IGBP1C: variants seen among roughly 807,000 people sequenced by gnomAD.
The protein encoded by IGBP1C is immunoglobulin-binding protein 1 family member C.
chr17:58,669,220 T>C, the IGBP1C span, among the ~76,000 whole-genome samples: 10 of 151,534 alleles, frequency 6.6e-5, no homozygotes, highest in Admixed American at 2.0e-4. Context: ...GGTATGGTGG[T>C]ACACGCCTCT....
the IGBP1C span, among the ~76,000 whole-genome samples, chr17:58,685,754 G>A: frequency 6.6e-6 from 1 of 151,758 alleles, no homozygotes; most frequent in Admixed American, 6.6e-5. Context: ...CAGTTTGGGA[G>A]GCTGAGGTGG....
chr17:58,668,979 T>C, the IGBP1C span, among the ~76,000 whole-genome samples: 2 of 152,140 alleles, frequency 1.3e-5, no homozygotes, highest in African/African-American at 4.8e-5. Context: ...CTGTTCTAGG[T>C]AGGCATAAAA....
chr17:58,676,741 C>G, the IGBP1C span, among the ~76,000 whole-genome samples: 5 of 152,028 alleles, frequency 3.3e-5, no homozygotes. Flanking sequence ...ATCCCAGCAC[C>G]TTGAGAGGCC....
At chr17:58,673,739 C>CT in the IGBP1C span, among the ~76,000 whole-genome samples, 673 of 151,400 alleles carry the variant, frequency 4.4e-3, 2 homozygotes, top group Middle Eastern at 6.8e-3. Context: ...TTTTTTCAAT[C>CT]TTTTTTTTGT....
the IGBP1C span, among the ~76,000 whole-genome samples, chr17:58,683,235 T>C: frequency 6.6e-6 from 1 of 151,100 alleles, no homozygotes; most frequent in African/African-American, 2.4e-5. Context: ...TAGCTGGGCA[T>C]GGTGGCACGT....
chr17:58,665,114 C>T, the IGBP1C span, among the ~76,000 whole-genome samples: 8 of 152,098 alleles, frequency 5.3e-5, no homozygotes, highest in South Asian at 1.0e-3. Flanking sequence ...GGGCAACATT[C>T]GACATATTCA....
chr17:58,671,331 C>A, the IGBP1C span, among the ~76,000 whole-genome samples: 9 of 152,186 alleles, frequency 5.9e-5, no homozygotes. Context: ...CTAACATATA[C>A]ACATAGCAGT....
chr17:58,671,457 C>T, the IGBP1C span, among the ~76,000 whole-genome samples: 1 of 152,230 alleles, frequency 6.6e-6, no homozygotes, highest in East Asian at 1.9e-4. Flanking sequence ...ACATCTTTCT[C>T]TTGGGGAGGG....
the IGBP1C span, among the ~76,000 whole-genome samples, chr17:58,668,030 A>G: frequency 6.6e-6 from 1 of 152,188 alleles, no homozygotes; most frequent in African/African-American, 2.4e-5. Context: ...AAGTCAATTT[A>G]GCTGAAACCC....
At chr17:58,661,738 C>G in the IGBP1C span, 3 of 565,416 alleles carry the variant, frequency 5.3e-6, no homozygotes, top group African/African-American at 5.7e-5. Flanking sequence ...TTGGGGGCGG[C>G]ATAGGGGAAG....
the IGBP1C span, among the ~76,000 whole-genome samples, chr17:58,669,464 G>A: frequency 6.6e-6 from 1 of 152,018 alleles, no homozygotes; most frequent in Non-Finnish European, 1.5e-5. Flanking sequence ...TGGGCGTGGT[G>A]GCTCACGCCT....
chr17:58,666,970 T>A, the IGBP1C span, among the ~76,000 whole-genome samples: 1 of 152,168 alleles, frequency 6.6e-6, no homozygotes, highest in East Asian at 1.9e-4. Context: ...CGTTCTCATC[T>A]CGGCCCGCTT....
the IGBP1C span, among the ~76,000 whole-genome samples, chr17:58,691,244 G>A: frequency 2.6e-4 from 39 of 152,300 alleles, no homozygotes; most frequent in African/African-American, 8.9e-4. Flanking sequence ...ATGGCCATTT[G>A]AAATGTGTGG....
At chr17:58,671,937 C>T in the IGBP1C span, among the ~76,000 whole-genome samples, 36,399 of 151,978 alleles carry the variant, frequency 0.24, 5,272 homozygotes, top group Middle Eastern at 0.41. Context: ...AGCGTATTTC[C>T]TCTATCTTAG....
At chr17:58,675,318 C>A in the IGBP1C span, 1 of 153,344 alleles carries the variant, frequency 6.5e-6, no homozygotes, top group South Asian at 1.8e-4. Context: ...AGTTGATTTT[C>A]CCGAAAAAAG....
chr17:58,668,092 T>C, the IGBP1C span, among the ~76,000 whole-genome samples: 1 of 152,132 alleles, frequency 6.6e-6, no homozygotes, highest in Non-Finnish European at 1.5e-5. Flanking sequence ...CCCCAGGTGA[T>C]ATCTGATCAC....
the IGBP1C span, chr17:58,661,516 G>C: frequency 1.3e-6 from 1 of 779,960 alleles, no homozygotes; most frequent in Non-Finnish European, 2.4e-6. Flanking sequence ...TCGCTCCTTC[G>C]ACTTCGTCCA....
the IGBP1C span, among the ~76,000 whole-genome samples, chr17:58,691,419 A>G: frequency 6.6e-6 from 1 of 151,928 alleles, no homozygotes; most frequent in Admixed American, 6.6e-5. Context: ...CTGTACTCCC[A>G]GCATTTTGGG....
chr17:58,663,602 G>T, the IGBP1C span, among the ~76,000 whole-genome samples: 1 of 151,854 alleles, frequency 6.6e-6, no homozygotes. Flanking sequence ...GAGTAACTGG[G>T]ACTACAGGGA....
Sources: allele counts gnomAD v4.1 joint callset (sites outside exome capture counted in the v4.1 genomes callset), GRCh38; gene constraint gnomAD v4.1.1; transcripts MANE v1.5; gene names NCBI Gene and HGNC (gene_info 2026-07-23, HGNC 2026-07-21).